Variants in ZNF578 observed in about 807,000 individuals in gnomAD.
ZNF578 encodes the protein Putative chemokine-related protein B42.
A neutral mutation model predicts 8.3 loss-of-function variants in ZNF578; 8 were observed. That is an observed-to-expected ratio of 0.96 (90% CI 0.56 to 1.74). The LOEUF (loss-of-function observed/expected upper bound fraction) is 1.74. ZNF578 is among the 40% of genes most tolerant of loss of function. The pLI, the probability that ZNF578 is intolerant of heterozygous loss-of-function variation, is 0.00. For synonymous variants in ZNF578, 206 were observed against 232.2 expected (o/e 0.89, Z 1.03); for missense variants, 726 against 707.5 (o/e 1.03, Z -0.30).
intron 2 of ZNF578, among the ~76,000 whole-genome samples, chr19:52,471,041 C>T (rs1450809620): frequency 6.6e-6 from 1 of 152,150 alleles, no homozygotes; most frequent in African/African-American, 2.4e-5. Flanking sequence ...CACCCACTTC[C>T]TCCTGTTCTG....
In ZNF578 at chr19:52,503,503, G is replaced by A. The variant is rs1247134044; in HGVS notation, c.64-1152G>A. ...TGGGATTACAGGCATTCGCTGTCAC[G>A]CCTGGCTAAGTTTTTTGTATTTTTA... is the stretch of plus-strand genomic sequence containing the variant. On this transcript the variant is annotated intron_variant, in intron 4 of 5. Coordinates refer to ENST00000421239, the MANE Select transcript of ZNF578 (RefSeq NM_001099694.2). Among the ~76,000 whole-genome samples, 8 of 152,064 alleles carry A rather than the reference G, an allele frequency of 5.3e-5. No homozygotes were observed. In the East Asian group the frequency reaches 5.8e-4, roughly 11 times the overall value.
At chr19:52,495,062 G>A (rs998485060) in intron 3 of ZNF578, among the ~76,000 whole-genome samples, 34 of 151,570 alleles carry the variant, frequency 2.2e-4, no homozygotes, top group African/African-American at 8.0e-4. Flanking sequence ...TCCCGGGGTG[G>A]TCTCAAAATC....
intron 2 of ZNF578, among the ~76,000 whole-genome samples, chr19:52,479,483 G>A (rs1673906): frequency 0.031 from 4,718 of 149,920 alleles, 252 homozygotes; most frequent in African/African-American, 0.11. Flanking sequence ...TGCAGTGAGC[G>A]GAGATTGTGC....
chr19:52,495,818 A>G (rs1314403572), intron 3 of ZNF578, among the ~76,000 whole-genome samples: 5 of 152,158 alleles, frequency 3.3e-5, no homozygotes, highest in African/African-American at 1.2e-4. Context: ...GCCAGAGGAC[A>G]GTGACTTGAC....
intron 5 of ZNF578, among the ~76,000 whole-genome samples, chr19:52,509,363 G>C (rs2059436467): frequency 1.3e-5 from 2 of 152,058 alleles, no homozygotes; most frequent in Non-Finnish European, 2.9e-5. Context: ...AATTCTGCAG[G>C]CTGTATAAAT....
At chr19:52,503,323 A>G (rs1280543738) in intron 4 of ZNF578, among the ~76,000 whole-genome samples, 1 of 151,976 alleles carries the variant, frequency 6.6e-6, no homozygotes, top group African/African-American at 2.4e-5. Context: ...TGGCATTCCA[A>G]ATGGGAGACA....
At chr19:52,460,083 T>C (rs1364880336) in intron 2 of ZNF578, among the ~76,000 whole-genome samples, 2 of 151,758 alleles carry the variant, frequency 1.3e-5, no homozygotes, top group South Asian at 4.2e-4. Flanking sequence ...TTTTCAAATA[T>C]GTACGTGTGT....
chr19:52,487,678 TG>T (rs1456357658), intron 2 of ZNF578, among the ~76,000 whole-genome samples: 2 of 152,182 alleles, frequency 1.3e-5, no homozygotes, highest in African/African-American at 4.8e-5. Context: ...TCACCCAGGC[TG>T]GAGTGCAGTG....
Position 52,494,326 on chromosome 19 carries a change from C to CA in ZNF578, c.-20+2911dup, listed in dbSNP as rs971017385. ...AAATAGTGAGACCCGCCATCGCTGT[C>CA]AAAAAAAAAAGAAAAAAAAATTTAA... On this transcript the variant is annotated intron_variant, in intron 3 of 5. Transcript: ENST00000421239. Among the ~76,000 whole-genome samples, 681 of 142,466 alleles carry CA rather than the reference C, an allele frequency of 4.8e-3. 5 individuals carry two copies. The highest frequency in any genetic ancestry group is 0.014 in the African/African-American group (527 of 38,758). The allele number at this position is 142,466 out of a possible 152,430, so 93.5% of individuals were successfully genotyped here. A position where few individuals can be genotyped will look rare whatever the true frequency, so the allele number is the denominator to read the frequency against.
At chr19:52,479,746 A>G (rs2059319600) in intron 2 of ZNF578, among the ~76,000 whole-genome samples, 1 of 152,110 alleles carries the variant, frequency 6.6e-6, no homozygotes, top group African/African-American at 2.4e-5. Context: ...AAAGTAGGTA[A>G]TGGCCAAATA....
intron 5 of ZNF578, 31 bp from the exon 6 acceptor site, chr19:52,510,541 T>G: frequency 6.7e-7 from 1 of 1,496,494 alleles, no homozygotes; most frequent in Non-Finnish European, 8.9e-7. Context: ...CTGCACTTAA[T>G]TGCAAACGTA....
intron 3 of ZNF578, chr19:52,492,915 C>G (rs2059371391): frequency 6.6e-6 from 1 of 152,300 alleles, no homozygotes; most frequent in East Asian, 1.9e-4. Context: ...GTCCCCGGCG[C>G]TTCTGTCCCT....
At position 52,513,521 on chromosome 19, in the gene ZNF578, G is replaced by A. The variant is rs2059459027; in HGVS notation, c.*1367G>A. ...CAAGGCAGGCAGATAACAAAGTCAGGAGATTGAGACCGTCCTGGCTAACAC... is the reference window on the plus strand; with the variant it reads ...CAAGGCAGGCAGATAACAAAGTCAGAAGATTGAGACCGTCCTGGCTAACAC... On this transcript the variant is annotated 3_prime_UTR_variant, in exon 6 of 6. Transcript: ENST00000421239. 6.7e-6 allele frequency among the ~76,000 whole-genome samples: 1 copy of A among 148,782 alleles called. No individual in the cohort carries two copies. Among genetic ancestry groups the A allele is most frequent in the African/African-American group, 2.4e-5 (1 of 40,874 alleles).
chr19:52,495,879 G>C (rs186096258), intron 3 of ZNF578, among the ~76,000 whole-genome samples: 2 of 152,076 alleles, frequency 1.3e-5, no homozygotes, highest in East Asian at 3.9e-4. Context: ...GGTCGGGAGT[G>C]GGGGAAGAGA....
rs1463962879 is a variant in ZNF578 at position 52,515,586 on chromosome 19, G to A, written c.*3432G>A. 6.6e-6 allele frequency among the ~76,000 whole-genome samples: 1 copy of A among 152,018 alleles called. No homozygotes were observed. Among genetic ancestry groups the A allele is most frequent in the Non-Finnish European group, 1.5e-5 (1 of 68,000 alleles). On this transcript the variant is annotated 3_prime_UTR_variant, in exon 6 of 6. Transcript: ENST00000421239. The stretch of plus-strand genomic sequence containing the variant: ...TCTCACTCATCTCAGACCTTCTCAG[G>A]GTAACTTGGTGAAAATGTCTTCCGA...
intron 2 of ZNF578, among the ~76,000 whole-genome samples, chr19:52,479,106 A>G (rs1568458922): frequency 6.6e-6 from 1 of 151,490 alleles, no homozygotes; most frequent in Admixed American, 6.6e-5. Flanking sequence ...ATGCATGGTA[A>G]TCTCATGCAG....
chr19:52,460,058 C>A (rs2059253043), intron 2 of ZNF578, among the ~76,000 whole-genome samples: 1 of 151,194 alleles, frequency 6.6e-6, no homozygotes, highest in South Asian at 2.1e-4. Context: ...GCCACCGTGC[C>A]TGGCCAGATG....
intron 4 of ZNF578, among the ~76,000 whole-genome samples, chr19:52,503,800 CTTT>C (rs59166209): frequency 3.2e-5 from 4 of 125,488 alleles, no homozygotes; most frequent in Non-Finnish European, 3.4e-5. Context: ...CCTGTGTTTG[CTTT>C]TTTTTTTTTT....
chr19:52,492,082 C>G (rs566695453), intron 3 of ZNF578, among the ~76,000 whole-genome samples: 1 of 139,518 alleles, frequency 7.2e-6, no homozygotes, highest in African/African-American at 2.7e-5. Context: ...GGCGTGAACC[C>G]GGAAGTTGGA....
Sources: allele counts gnomAD v4.1 joint callset (sites outside exome capture counted in the v4.1 genomes callset), GRCh38; gene constraint gnomAD v4.1.1; transcripts MANE v1.5; gene names NCBI Gene and HGNC (gene_info 2026-07-23, HGNC 2026-07-21).